The following IDE variants were observed in gnomAD, a reference collection of about 807,000 sequenced individuals.
IDE encodes insulin degrading enzyme.
A neutral mutation model predicts 133.2 loss-of-function variants in IDE; 58 were observed. That is an observed-to-expected ratio of 0.44 (90% CI 0.35 to 0.54). The LOEUF (loss-of-function observed/expected upper bound fraction) is 0.54. Ranked by LOEUF, IDE falls within the 20% of genes least tolerant of loss-of-function variation. The pLI is 0.00. For missense variants in IDE, 981 were observed against 1,234.0 expected, an observed-to-expected ratio of 0.79 and a Z score of 3.07; for synonymous variants, 396 against 421.3, an observed-to-expected ratio of 0.94 and a Z score of 0.73.
chr10:92,514,530 C>A (rs1162133108), intron 5 of IDE, among the ~76,000 whole-genome samples: 1 of 152,028 alleles, frequency 6.6e-6, no homozygotes, highest in African/African-American at 2.4e-5. Flanking sequence ...CAGCCTTTAA[C>A]TCCTGGGCTC....
At chr10:92,545,290 G>A (rs1842491592) in intron 1 of IDE, among the ~76,000 whole-genome samples, 1 of 151,656 alleles carries the variant, frequency 6.6e-6, no homozygotes, top group African/African-American at 2.4e-5. Context: ...CATAGAGATG[G>A]GAAAGGAAAG....
chr10:92,533,128 T>C (rs563939715), intron 3 of IDE, among the ~76,000 whole-genome samples: 1 of 152,312 alleles, frequency 6.6e-6, no homozygotes, highest in African/African-American at 2.4e-5. Context: ...GATCATGTTA[T>C]GACACAGTAT....
intron 1 of IDE, chr10:92,572,927 C>A: frequency 2.0e-6 from 2 of 985,330 alleles, no homozygotes; most frequent in Non-Finnish European, 2.4e-6. Flanking sequence ...GTAGCTATCT[C>A]AATTCCCGTG....
At chr10:92,515,161 A>G in intron 4 of IDE, 119 bp from the exon 5 acceptor site, 1 of 743,612 alleles carries the variant, frequency 1.3e-6, no homozygotes, top group South Asian at 2.1e-5. Flanking sequence ...AATACACAGA[A>G]TAACTCAAAT....
At chr10:92,534,461 A>C in intron 3 of IDE, 117 bp downstream of exon 3, 1 of 682,740 alleles carries the variant, frequency 1.5e-6, no homozygotes, top group South Asian at 2.3e-5. Flanking sequence ...ACAGGGAAAA[A>C]CACTGTTTAA....
chr10:92,484,150 C>T (rs1846804746), intron 13 of IDE, among the ~76,000 whole-genome samples: 1 of 152,150 alleles, frequency 6.6e-6, no homozygotes, highest in Non-Finnish European at 1.5e-5. Flanking sequence ...GGTGGCTTCA[C>T]TCCTATAATC....
At chr10:92,480,802 C>T (rs1564610296) in intron 14 of IDE, 2 of 199,924 alleles carry the variant, frequency 1.0e-5, no homozygotes, top group Non-Finnish European at 1.8e-5. Flanking sequence ...CTGTGTTGTC[C>T]AGGCTGGTCT....
At position 92,465,762 on chromosome 10, in the gene IDE, C is replaced by CT; in HGVS notation, c.2401dup (p.Ser801LysfsTer41). 6.2e-7 allele frequency: 1 copy of CT among 1,613,812 alleles called. No homozygotes were observed. The highest frequency in any genetic ancestry group is 8.5e-7 in the Non-Finnish European group (1 of 1,179,760). ...CTCCAGAAACATATTCTCTGAGGTG[C>CT]TTTGCATGTCTGTTTGGTAGTATAT... On this transcript the variant is annotated frameshift_variant, in exon 20 of 25. Coordinates refer to ENST00000265986, the MANE Select transcript of IDE (RefSeq NM_004969.4). LOFTEE classifies it high-confidence loss of function.
chr10:92,512,082 T>C (rs1355535280), intron 5 of IDE, among the ~76,000 whole-genome samples: 1 of 152,222 alleles, frequency 6.6e-6, no homozygotes, highest in Non-Finnish European at 1.5e-5. Flanking sequence ...CCCACTCACC[T>C]TCATATCATC....
intron 11 of IDE, among the ~76,000 whole-genome samples, chr10:92,504,577 T>C (rs184900829): frequency 2.5e-4 from 38 of 152,134 alleles, no homozygotes; most frequent in Admixed American, 9.8e-4. Flanking sequence ...TAATTTAGGG[T>C]GGAAGGGGGA....
intron 4 of IDE, among the ~76,000 whole-genome samples, chr10:92,529,766 C>T (rs1165982529): frequency 6.6e-6 from 1 of 152,136 alleles, no homozygotes; most frequent in Non-Finnish European, 1.5e-5. Flanking sequence ...TCACCTTATT[C>T]ACTGGATTTA....
intron 1 of IDE, among the ~76,000 whole-genome samples, chr10:92,550,348 C>T (rs565832050): frequency 6.6e-6 from 1 of 152,092 alleles, no homozygotes; most frequent in South Asian, 2.1e-4. Flanking sequence ...CTTAAAAAGC[C>T]ACTTCTCCAA....
intron 4 of IDE, among the ~76,000 whole-genome samples, chr10:92,526,010 G>T (rs964611732): frequency 6.6e-6 from 1 of 151,926 alleles, no homozygotes; most frequent in Non-Finnish European, 1.5e-5. Context: ...ACAAAAATCA[G>T]CTGGGCGTTG....
At chr10:92,463,527 A>AG (rs1435599617) in intron 21 of IDE, among the ~76,000 whole-genome samples, 4 of 151,880 alleles carry the variant, frequency 2.6e-5, no homozygotes, top group Non-Finnish European at 4.4e-5. Context: ...CTAGGTTTGG[A>AG]GGGAAAAAAA....
At chr10:92,556,888 C>T (rs1424983287) in intron 1 of IDE, among the ~76,000 whole-genome samples, 1 of 146,894 alleles carries the variant, frequency 6.8e-6, no homozygotes, top group African/African-American at 2.5e-5. Context: ...CTTGCCATTG[C>T]ACTCCACCTG....
At chr10:92,535,186 C>T (rs908651129) in intron 2 of IDE, among the ~76,000 whole-genome samples, 2 of 152,200 alleles carry the variant, frequency 1.3e-5, no homozygotes, top group Non-Finnish European at 2.9e-5. Context: ...TCACTGCAAG[C>T]TCCGCCTCCT....
At chr10:92,556,179 C>CAAAAAAAAA (rs60008680) in intron 1 of IDE, among the ~76,000 whole-genome samples, 42 of 68,954 alleles carry the variant, frequency 6.1e-4, no homozygotes, top group South Asian at 2.0e-3. Flanking sequence ...GACTCCGTCT[C>CAAAAAAAAA]AAAAAAAAAA....
intron 7 of IDE, 86 bp from the exon 8 acceptor site, chr10:92,508,291 T>C (rs1335978214): frequency 2.0e-6 from 2 of 983,118 alleles, no homozygotes; most frequent in Admixed American, 2.2e-5. Flanking sequence ...TCATACTGTA[T>C]GTTCCTAAGA....
At chr10:92,555,074 C>G (rs750311691) in intron 1 of IDE, among the ~76,000 whole-genome samples, 1 of 152,140 alleles carries the variant, frequency 6.6e-6, no homozygotes, top group Admixed American at 6.6e-5. Flanking sequence ...AAACAATGAA[C>G]GTATTCAGCA....
Sources: allele counts gnomAD v4.1 joint callset (sites outside exome capture counted in the v4.1 genomes callset), GRCh38; gene constraint gnomAD v4.1.1; transcripts MANE v1.5; gene names NCBI Gene and HGNC (gene_info 2026-07-23, HGNC 2026-07-21).